PHACTR1: variants seen among roughly 807,000 people sequenced by gnomAD.
The protein encoded by PHACTR1 is RPEL repeat containing 1.
PHACTR1 carries 16 observed loss-of-function variants against 69.2 expected under a neutral mutation model. That is an observed-to-expected ratio of 0.23 (90% CI 0.16 to 0.35). PHACTR1 has a LOEUF of 0.35. Among genes scored for constraint, PHACTR1 ranks in the 10% least tolerant of loss-of-function variants. The probability of loss-of-function intolerance (pLI) is 1.00; values close to 1 mark genes in which losing one functional copy is unlikely to be tolerated. For missense variants in PHACTR1, 510 were observed against 734.7 expected, an observed-to-expected ratio of 0.69 and a Z score of 3.54; for synonymous variants, 312 against 284.5, an observed-to-expected ratio of 1.10 and a Z score of -0.97.
rs935480944 is a variant in PHACTR1 at position 13,275,440 on chromosome 6, C to A, written c.1447+2525C>A. Reference sequence around the variant, plus strand: ...AAGGTATCAATTCTGTAGGTGGTAGCTTGTGGCCCCACCCCTCAGAGTGAC... The same window carrying A: ...AAGGTATCAATTCTGTAGGTGGTAGATTGTGGCCCCACCCCTCAGAGTGAC... On this transcript the variant is annotated intron_variant, in intron 11 of 14. Coordinates refer to ENST00000332995, the MANE Select transcript of PHACTR1 (RefSeq NM_030948.6). The surrounding 1 kb of genome is among the most constrained non-coding windows in gnomAD (Gnocchi z 4.0). The A allele has an allele frequency of 6.6e-6, 1 of 152,160 alleles. No homozygotes were observed. The highest frequency in any genetic ancestry group is 1.5e-5 in the Non-Finnish European group (1 of 68,046). The allele number at this position is 152,160 out of a possible 1,614,324, so 9.4% of individuals were successfully genotyped here. A position where few individuals can be genotyped will look rare whatever the true frequency, so the allele number is the denominator to read the frequency against.
At chr6:12,794,310 G>T (rs9463114) in intron 4 of PHACTR1, among the ~76,000 whole-genome samples, 1 of 152,204 alleles carries the variant, frequency 6.6e-6, no homozygotes, top group African/African-American at 2.4e-5. Flanking sequence ...CTGCTGAAGT[G>T]TTAAGGGTAT....
At chr6:13,080,446 T>G (rs755067072) in intron 5 of PHACTR1, among the ~76,000 whole-genome samples, 6 of 152,202 alleles carry the variant, frequency 3.9e-5, no homozygotes, top group Non-Finnish European at 7.3e-5. Flanking sequence ...AGACTTTTCA[T>G]TGATTAGTTC....
At chr6:12,730,017 C>T (rs1763289517) in intron 3 of PHACTR1, among the ~76,000 whole-genome samples, 2 of 152,128 alleles carry the variant, frequency 1.3e-5, no homozygotes, top group South Asian at 4.1e-4. Flanking sequence ...GAAAAAGAAA[C>T]TCCATTTAAA....
intron 12 of PHACTR1, among the ~76,000 whole-genome samples, chr6:13,282,929 G>A (rs1420920798): frequency 6.6e-6 from 1 of 152,082 alleles, no homozygotes; most frequent in African/African-American, 2.4e-5. Context: ...TTGTATAGGT[G>A]TAAAAACAGT....
At chr6:13,000,459 G>A (rs1261282204) in intron 4 of PHACTR1, among the ~76,000 whole-genome samples, 2 of 151,982 alleles carry the variant, frequency 1.3e-5, no homozygotes, top group Non-Finnish European at 2.9e-5. Flanking sequence ...GAGGTGAGAG[G>A]ATCTCTCGAG....
At chr6:12,913,276 C>T (rs1008526624) in intron 4 of PHACTR1, among the ~76,000 whole-genome samples, 2 of 152,180 alleles carry the variant, frequency 1.3e-5, no homozygotes, top group Non-Finnish European at 2.9e-5. Flanking sequence ...GCAAATTGGC[C>T]GTGAGCTCTC....
At chr6:13,103,904 C>T (rs551373689) in intron 5 of PHACTR1, among the ~76,000 whole-genome samples, 3 of 152,020 alleles carry the variant, frequency 2.0e-5, no homozygotes, top group East Asian at 1.9e-4. Flanking sequence ...GCCAACATGG[C>T]GAAACCCCAT....
chr6:12,775,334 A>T (rs1257703353), intron 4 of PHACTR1, among the ~76,000 whole-genome samples: 1 of 151,778 alleles, frequency 6.6e-6, no homozygotes, highest in Non-Finnish European at 1.5e-5. Context: ...ATTGTTTTTT[A>T]AAAAATATTT....
intron 4 of PHACTR1, among the ~76,000 whole-genome samples, chr6:12,833,751 A>G (rs1175026624): frequency 6.6e-6 from 1 of 152,146 alleles, no homozygotes; most frequent in East Asian, 1.9e-4. Flanking sequence ...AGCTGGGGTG[A>G]ACACTTTTAA....
intron 4 of PHACTR1, among the ~76,000 whole-genome samples, chr6:12,978,845 A>G (rs1278439637): frequency 6.6e-6 from 1 of 152,070 alleles, no homozygotes; most frequent in Non-Finnish European, 1.5e-5. Flanking sequence ...AAGTTATGAA[A>G]CTCAAAATGG....
intron 4 of PHACTR1, among the ~76,000 whole-genome samples, chr6:13,048,895 C>G (rs1362606520): frequency 3.3e-5 from 5 of 152,182 alleles, no homozygotes; most frequent in African/African-American, 1.2e-4. Flanking sequence ...CACACTTAAG[C>G]CTTCCAATAT....
intron 12 of PHACTR1, chr6:13,280,551 G>A (rs950417280): frequency 1.4e-5 from 3 of 210,316 alleles, no homozygotes; most frequent in African/African-American, 7.1e-5. Context: ...CTGCTTTACA[G>A]TGATCTGCCT....
intron 10 of PHACTR1, among the ~76,000 whole-genome samples, chr6:13,250,080 C>T (rs1185481097): frequency 6.6e-6 from 1 of 152,180 alleles, no homozygotes; most frequent in Non-Finnish European, 1.5e-5. Context: ...TCTGTGGCTG[C>T]TTACACACCA....
intron 4 of PHACTR1, among the ~76,000 whole-genome samples, chr6:13,050,608 C>G (rs551334412): frequency 9.1e-4 from 139 of 152,240 alleles, no homozygotes; most frequent in Admixed American, 1.8e-3. Context: ...GCCTACTGAC[C>G]CCCAAATCAA....
chr6:12,960,769 T>A (rs1792614788), intron 4 of PHACTR1, among the ~76,000 whole-genome samples: 1 of 152,174 alleles, frequency 6.6e-6, no homozygotes, highest in African/African-American at 2.4e-5. Context: ...TTTACCCGAC[T>A]TGGAAAATTC....
intron 5 of PHACTR1, among the ~76,000 whole-genome samples, chr6:13,115,377 ACT>A (rs949912165): frequency 6.6e-6 from 1 of 151,548 alleles, no homozygotes; most frequent in Non-Finnish European, 1.5e-5. Context: ...CAACACAAAC[ACT>A]CTCTCTCTCC....
chr6:12,927,043 C>T (rs569826557), intron 4 of PHACTR1, among the ~76,000 whole-genome samples: 132 of 152,316 alleles, frequency 8.7e-4, no homozygotes, highest in Non-Finnish European at 9.7e-4. Context: ...TTCACTTTTC[C>T]GCAAGCAATA....
intron 6 of PHACTR1, among the ~76,000 whole-genome samples, chr6:13,164,165 C>G (rs1190089854): frequency 6.6e-6 from 1 of 151,840 alleles, no homozygotes; most frequent in Non-Finnish European, 1.5e-5. Flanking sequence ...CTCTTAGCCT[C>G]TAAGCAAGTC....
At chr6:12,857,794 A>T (rs1288597808) in intron 4 of PHACTR1, among the ~76,000 whole-genome samples, 1 of 152,098 alleles carries the variant, frequency 6.6e-6, no homozygotes, top group Non-Finnish European at 1.5e-5. Context: ...ACTAGTAATG[A>T]TTCTCCCACC....
Sources: allele counts gnomAD v4.1 joint callset (sites outside exome capture counted in the v4.1 genomes callset), GRCh38; gene constraint gnomAD v4.1.1; non-coding constraint Gnocchi (gnomAD v3.1); transcripts MANE v1.5; gene names NCBI Gene and HGNC (gene_info 2026-07-23, HGNC 2026-07-21).